PI4KA: variants seen among roughly 807,000 people sequenced by gnomAD.
The protein encoded by PI4KA is phosphatidylinositol 4-kinase alpha.
PI4KA carries 122 observed loss-of-function variants against 271.4 expected under a neutral mutation model. The ratio of observed to expected loss-of-function variants is 0.45; its 90% CI spans 0.39 to 0.52. The LOEUF (loss-of-function observed/expected upper bound fraction) is 0.52, where lower values mean the gene tolerates loss of function less well. Ranked by LOEUF, PI4KA falls within the 20% of genes least tolerant of loss-of-function variation. PI4KA has a pLI of 0.00. For synonymous variants in PI4KA, 1,041 were observed against 1,078.8 expected, an observed-to-expected ratio of 0.96 and a Z score of 0.69; for missense variants, 1,969 against 2,769.1, an observed-to-expected ratio of 0.71 and a Z score of 6.48.
intron 38 of PI4KA, 55 bp from the exon 39 acceptor site, chr22:20,729,561 A>T: frequency 6.4e-7 from 1 of 1,551,304 alleles, no homozygotes; most frequent in Non-Finnish European, 8.7e-7. Context: ...GTGCCCACAC[A>T]CTGCCCCGGC....
In PI4KA at chr22:20,789,024, C is replaced by A. The variant is rs567185204; in HGVS notation, c.2328+4169G>T. On this transcript the variant is annotated intron_variant, in intron 19 of 54. Transcript: ENST00000255882. ...CTCCACACTCTTGAGCATCCAGACA[C>A]CCCCGTTTCAATGCCTTTTGTTCAT... Among the ~76,000 whole-genome samples the A allele has an allele frequency of 7.2e-5, 11 of 152,296 alleles. 1 individual carries two copies. The highest frequency in any genetic ancestry group is 2.4e-4 in the African/African-American group (10 of 41,550).
intron 19 of PI4KA, chr22:20,786,768 T>C (rs1203884882): frequency 1.7e-5 from 19 of 1,137,410 alleles, no homozygotes; most frequent in Non-Finnish European, 2.0e-5. Context: ...ATTTCCACCT[T>C]ACATGTTGTC....
intron 23 of PI4KA, among the ~76,000 whole-genome samples, chr22:20,757,480 T>C (rs1337628266): frequency 6.6e-6 from 1 of 151,936 alleles, no homozygotes; most frequent in Non-Finnish European, 1.5e-5. Context: ...GACATCTCAC[T>C]TCAGAAAGGG....
intron 44 of PI4KA, 43 bp downstream of exon 44, chr22:20,718,650 G>C (rs770013490): frequency 6.2e-7 from 1 of 1,606,692 alleles, no homozygotes; most frequent in Non-Finnish European, 8.5e-7. Flanking sequence ...TGCAGGGACT[G>C]GAAGGAGATC....
At chr22:20,725,558 CA>C in intron 42 of PI4KA, 1 of 451,676 alleles carries the variant, frequency 2.2e-6, no homozygotes, top group Non-Finnish European at 4.5e-6. Context: ...CAGACACACA[CA>C]AAAGGATGAC....
intron 29 of PI4KA, among the ~76,000 whole-genome samples, chr22:20,746,317 C>A (rs989458394): frequency 4.6e-5 from 7 of 151,980 alleles, no homozygotes; most frequent in Non-Finnish European, 8.8e-5. Context: ...CCGCCTTGGC[C>A]TCCCAAAGTG....
chr22:20,751,459 A>T (rs1263142158), intron 26 of PI4KA, 83 bp from the exon 27 acceptor site: 1 of 1,229,266 alleles, frequency 8.1e-7, no homozygotes, highest in African/African-American at 1.5e-5. Flanking sequence ...CCTACCCACC[A>T]CCTGTCTGTC....
At chr22:20,711,026 C>G (rs575707811) in intron 51 of PI4KA, 168 bp from the exon 52 acceptor site, 1 of 646,608 alleles carries the variant, frequency 1.5e-6, no homozygotes, top group East Asian at 2.8e-5. Context: ...GGTGGGGCAG[C>G]AGGCAGAGAA....
At chr22:20,777,529 T>A (rs1933401974) in intron 19 of PI4KA, among the ~76,000 whole-genome samples, 1 of 152,212 alleles carries the variant, frequency 6.6e-6, no homozygotes, top group East Asian at 1.9e-4. Context: ...ATTTATTTAA[T>A]TTTTCACAGA....
intron 1 of PI4KA, among the ~76,000 whole-genome samples, chr22:20,843,249 GA>G (rs1925817474): frequency 6.6e-6 from 1 of 152,140 alleles, no homozygotes; most frequent in Non-Finnish European, 1.5e-5. Flanking sequence ...CAGCAATTTG[GA>G]AGGCTGAGGC....
chr22:20,796,214 AC>A lies in PI4KA; in HGVS notation c.2208del (p.Leu736PhefsTer23). On this transcript the variant is annotated frameshift_variant, in exon 18 of 55. Transcript: ENST00000255882. LOFTEE classifies it high-confidence loss of function. ...VDELLMNLLELFVQLGLEGKR... is the reference protein window; with the variant it reads ...VDELLMNLLEXFVQLGLEGKR... The stretch of plus-strand genomic sequence containing the variant: ...TTCCCCTCCAGCCCCAGCTGCACAA[AC>A]AACTCCAACAGGTTCATGAGCAGCT... 6.2e-7 allele frequency: 1 copy of A among 1,613,972 alleles called. No homozygotes were observed. The highest frequency in any genetic ancestry group is 8.5e-7 in the Non-Finnish European group (1 of 1,179,950).
chr22:20,792,056 G>A (rs186786491), intron 19 of PI4KA, among the ~76,000 whole-genome samples: 5 of 152,112 alleles, frequency 3.3e-5, no homozygotes, highest in Admixed American at 1.3e-4. Flanking sequence ...AGCCAAGGTC[G>A]CACCACTGCA....
At chr22:20,731,798 G>A (rs566540077) in intron 36 of PI4KA, among the ~76,000 whole-genome samples, 12 of 152,072 alleles carry the variant, frequency 7.9e-5, no homozygotes, top group African/African-American at 2.2e-4. Context: ...GTGTGGTAGC[G>A]AGCGCCTGTA....
intron 4 of PI4KA, among the ~76,000 whole-genome samples, chr22:20,823,301 C>T (rs375752347): frequency 3.3e-5 from 5 of 149,960 alleles, no homozygotes; most frequent in South Asian, 2.1e-4. Flanking sequence ...AGAAAAAAGC[C>T]CTTAATGTCC....
At chr22:20,742,939 CT>C (rs199920036) in intron 30 of PI4KA, 175 bp from the exon 31 acceptor site, 90,552 of 461,878 alleles carry the variant, frequency 0.2, 8 homozygotes, top group South Asian at 0.26. Flanking sequence ...CTGATCACAG[CT>C]TTTTTTTTTT....
Position 20,803,288 on chromosome 22 carries a change from C to G in PI4KA, c.1494G>C (p.Val498=). Reference sequence around the variant, plus strand: ...AGGACGGTGTCACAGAGTGCACCACCACCGGGAACCTCTCGCACAGGCGGC... The same window carrying G: ...AGGACGGTGTCACAGAGTGCACCACGACCGGGAACCTCTCGCACAGGCGGC... ...GLGRLCERFP[V]VVHSVTPSLR... The change falls in exon 13 of 55, where the codon GTG becomes GTC. Residue 498 remains valine, a synonymous_variant. Coordinates refer to ENST00000255882, the MANE Select transcript of PI4KA (RefSeq NM_058004.4). 6.2e-7 allele frequency: 1 copy of G among 1,614,154 alleles called. No individual in the cohort carries two copies. The highest frequency in any genetic ancestry group is 1.1e-5 in the South Asian group (1 of 91,082).
intron 3 of PI4KA, among the ~76,000 whole-genome samples, chr22:20,833,227 T>C (rs1053057117): frequency 6.6e-6 from 1 of 152,138 alleles, no homozygotes; most frequent in Non-Finnish European, 1.5e-5. Flanking sequence ...TCAGCTTTGT[T>C]CTCTGGCTCT....
chr22:20,754,672 A>G (rs1453246138), intron 23 of PI4KA, among the ~76,000 whole-genome samples: 1 of 152,166 alleles, frequency 6.6e-6, no homozygotes, highest in African/African-American at 2.4e-5. Flanking sequence ...AATGTTGGCC[A>G]GGCATGGTGG....
At chr22:20,757,990 A>G (rs903042212) in intron 23 of PI4KA, among the ~76,000 whole-genome samples, 1 of 152,166 alleles carries the variant, frequency 6.6e-6, no homozygotes, top group African/African-American at 2.4e-5. Flanking sequence ...ATTGTCTAGC[A>G]CAAGCTTTTC....
Sources: allele counts gnomAD v4.1 joint callset (sites outside exome capture counted in the v4.1 genomes callset), GRCh38; gene constraint gnomAD v4.1.1; transcripts MANE v1.5; gene names NCBI Gene and HGNC (gene_info 2026-07-23, HGNC 2026-07-21).